Variants in TMEM178B observed in about 807,000 individuals in gnomAD.
TMEM178B encodes transmembrane protein 178B.
Under a neutral mutation model 31.0 loss-of-function variants are expected in TMEM178B, and 5 were observed. That is an observed-to-expected ratio of 0.16 (90% CI 0.08 to 0.34). The LOEUF (loss-of-function observed/expected upper bound fraction) is 0.34, where lower values mean the gene tolerates loss of function less well. TMEM178B is among the 10% of genes least tolerant of loss of function. The probability of loss-of-function intolerance (pLI) is 1.00; values close to 1 mark genes in which losing one functional copy is unlikely to be tolerated. For synonymous variants in TMEM178B, 164 were observed against 164.0 expected, an observed-to-expected ratio of 1.00 and a Z score of 0.00; for missense variants, 275 against 400.3, an observed-to-expected ratio of 0.69 and a Z score of 2.67.
Position 141,476,213 on chromosome 7 carries a change from C to T in TMEM178B, c.*5427C>T, listed in dbSNP as rs1044847161. 1.3e-5 allele frequency: 2 copies of T among 152,152 alleles called. No homozygotes were observed. The highest frequency in any genetic ancestry group is 4.8e-5 in the African/African-American group (2 of 41,436). The allele number at this position is 152,152 out of a possible 1,614,324, so 9.4% of individuals were successfully genotyped here. ...GGGCTGGACCTGTCGCACTTAAGCACACTTAAAGGATTCTATTCTTCATTC... is the reference window on the plus strand; with the variant it reads ...GGGCTGGACCTGTCGCACTTAAGCATACTTAAAGGATTCTATTCTTCATTC... On this transcript the variant is annotated 3_prime_UTR_variant, in exon 4 of 4. Coordinates refer to ENST00000565468, the MANE Select transcript of TMEM178B (RefSeq NM_001195278.2).
At chr7:141,453,874 A>G (rs1335730287) in intron 3 of TMEM178B, among the ~76,000 whole-genome samples, 3 of 151,642 alleles carry the variant, frequency 2.0e-5, no homozygotes, top group African/African-American at 4.8e-5. Context: ...ATATATCCCT[A>G]TGTAACTAAA....
the TMEM178B span, among the ~76,000 whole-genome samples, chr7:141,492,958 G>T: frequency 6.6e-6 from 1 of 152,162 alleles, no homozygotes; most frequent in Non-Finnish European, 1.5e-5. Context: ...TATTAAAGGG[G>T]GAATAAATAT....
intron 1 of TMEM178B, among the ~76,000 whole-genome samples, chr7:141,096,774 A>T (rs1475522490): frequency 6.6e-6 from 1 of 152,208 alleles, no homozygotes; most frequent in African/African-American, 2.4e-5. Flanking sequence ...GGATCATGGG[A>T]ACCTTAACTT....
chr7:141,369,955 T>C (rs185920689), intron 2 of TMEM178B, among the ~76,000 whole-genome samples: 10 of 152,146 alleles, frequency 6.6e-5, no homozygotes, highest in Admixed American at 6.5e-4. Context: ...AATTGCTGCT[T>C]ATTTTGTTTC....
At chr7:141,396,029 G>A (rs530961491) in intron 2 of TMEM178B, among the ~76,000 whole-genome samples, 4 of 152,080 alleles carry the variant, frequency 2.6e-5, no homozygotes, top group African/African-American at 4.8e-5. Context: ...AAGGAGATAC[G>A]GGGATCCTCC....
Position 141,274,953 on chromosome 7 carries a change from C to T in TMEM178B, c.496+62249C>T, listed in dbSNP as rs181474329. ...GTGAAGTCCCAAAAACATGTGCCTT[C>T]CCTCCGCTGCCTAAAAACCGAAGAT... is the stretch of plus-strand genomic sequence containing the variant. On this transcript the variant is annotated intron_variant, in intron 2 of 3. Transcript: ENST00000565468. 5.1e-4 allele frequency among the ~76,000 whole-genome samples: 77 copies of T among 152,308 alleles called. No individual in the cohort carries two copies. In the East Asian group the frequency reaches 9.6e-3, roughly 19 times the overall value.
intron 1 of TMEM178B, among the ~76,000 whole-genome samples, chr7:141,143,436 G>T (rs567207558): frequency 3.2e-4 from 48 of 152,110 alleles, no homozygotes; most frequent in Non-Finnish European, 6.5e-4. Flanking sequence ...TCTGCCTATG[G>T]CTAGCCAGCT....
At position 141,401,765 on chromosome 7, in the gene TMEM178B, G is replaced by T. The variant is rs1800780970; in HGVS notation, c.497-35843G>T. Among the ~76,000 whole-genome samples the T allele has an allele frequency of 3.3e-5, 5 of 152,142 alleles. No homozygotes were observed. The South Asian group carries it at 1.0e-3, about 32-fold the overall frequency. ...GTGTCTCTACAGACCATACGCATCT[G>T]CCTTGCTGTTGGATGGAATAATTTA... On this transcript the variant is annotated intron_variant, in intron 2 of 3. Coordinates refer to ENST00000565468, the MANE Select transcript of TMEM178B (RefSeq NM_001195278.2).
At chr7:141,500,591 C>T in the TMEM178B span, among the ~76,000 whole-genome samples, 7 of 152,212 alleles carry the variant, frequency 4.6e-5, no homozygotes, top group South Asian at 4.1e-4. Flanking sequence ...ATTCTATGGC[C>T]GTGTAGTCCT....
chr7:141,329,037 T>C (rs560478729), intron 2 of TMEM178B, among the ~76,000 whole-genome samples: 1 of 152,180 alleles, frequency 6.6e-6, no homozygotes, highest in Non-Finnish European at 1.5e-5. Flanking sequence ...ATAATGTCTT[T>C]AGATCAATTG....
intron 1 of TMEM178B, among the ~76,000 whole-genome samples, chr7:141,110,553 C>T (rs1795216979): frequency 6.6e-6 from 1 of 152,214 alleles, no homozygotes; most frequent in African/African-American, 2.4e-5. Flanking sequence ...TCATGCTTGC[C>T]TGTTCTCCAC....
At chr7:141,353,865 A>T (rs1192648262) in intron 2 of TMEM178B, among the ~76,000 whole-genome samples, 1 of 152,260 alleles carries the variant, frequency 6.6e-6, no homozygotes, top group East Asian at 1.9e-4. Flanking sequence ...ATACTAATGG[A>T]CAGGCAGCAA....
rs142063768 is a variant in TMEM178B at position 141,108,022 on chromosome 7, C to T, written c.382+33330C>T. Reference sequence around the variant, plus strand: ...GTGGTCTGTGTCAGATGTTGCTGGTCGAACAGCTGAGGACTGAGATTTGAC... The same window carrying T: ...GTGGTCTGTGTCAGATGTTGCTGGTTGAACAGCTGAGGACTGAGATTTGAC... On this transcript the variant is annotated intron_variant, in intron 1 of 3. Transcript: ENST00000565468. 1.3e-3 allele frequency among the ~76,000 whole-genome samples: 192 copies of T among 152,186 alleles called. 1 individual carries two copies. The highest frequency in any genetic ancestry group is 4.1e-3 in the African/African-American group (172 of 41,516).
intron 1 of TMEM178B, among the ~76,000 whole-genome samples, chr7:141,165,883 T>C (rs948618994): frequency 6.6e-6 from 1 of 152,324 alleles, no homozygotes; most frequent in Admixed American, 6.5e-5. Flanking sequence ...TGAGATTAAG[T>C]GACTTTATGT....
chr7:141,317,928 T>A (rs549382759), intron 2 of TMEM178B, among the ~76,000 whole-genome samples: 1 of 152,312 alleles, frequency 6.6e-6, no homozygotes, highest in South Asian at 2.1e-4. Context: ...CTTGCCAATA[T>A]CCACAAGTGT....
At chr7:141,441,583 A>G (rs1801660332) in intron 3 of TMEM178B, among the ~76,000 whole-genome samples, 1 of 152,198 alleles carries the variant, frequency 6.6e-6, no homozygotes, top group African/African-American at 2.4e-5. Flanking sequence ...GGACAACATC[A>G]GCAGTGCCTG....
chr7:141,239,915 A>T (rs535945063), intron 2 of TMEM178B, among the ~76,000 whole-genome samples: 27 of 152,376 alleles, frequency 1.8e-4, no homozygotes, highest in Non-Finnish European at 3.2e-4. Flanking sequence ...GAAACAGAAC[A>T]TAAGCCACAG....
At chr7:141,316,933 A>G (rs1433899539) in intron 2 of TMEM178B, among the ~76,000 whole-genome samples, 1 of 152,208 alleles carries the variant, frequency 6.6e-6, no homozygotes, top group Non-Finnish European at 1.5e-5. Context: ...GCATGCAGGT[A>G]CAAACACTCC....
At chr7:141,301,434 TCTA>T (rs1243014476) in intron 2 of TMEM178B, among the ~76,000 whole-genome samples, 1 of 152,228 alleles carries the variant, frequency 6.6e-6, no homozygotes, top group Non-Finnish European at 1.5e-5. Flanking sequence ...GTGTTTATGT[TCTA>T]CTGCTGGGTG....
Sources: allele counts gnomAD v4.1 joint callset (sites outside exome capture counted in the v4.1 genomes callset), GRCh38; gene constraint gnomAD v4.1.1; transcripts MANE v1.5; gene names NCBI Gene and HGNC (gene_info 2026-07-23, HGNC 2026-07-21).